The following YWHAG variants were observed in gnomAD, a reference collection of about 807,000 sequenced individuals.
The protein encoded by YWHAG is 14-3-3 protein gamma.
YWHAG carries 1 observed loss-of-function variant against 23.3 expected under a neutral mutation model. That is an observed-to-expected ratio of 0.04 (90% confidence interval 0.02 to 0.20). YWHAG has a LOEUF of 0.20. YWHAG is among the 10% of genes least tolerant of loss of function. YWHAG has a pLI of 1.00. For synonymous variants in YWHAG, 160 were observed against 144.0 expected (o/e 1.11, Z -0.80); for missense variants, 151 against 338.6 (o/e 0.45, Z 4.35).
At position 76,327,466 on chromosome 7, in the gene YWHAG, A is replaced by T. The variant is rs1394653335; in HGVS notation, c.*2111T>A. On this transcript the variant is annotated 3_prime_UTR_variant, in exon 2 of 2. Transcript: ENST00000307630. ...AACCATTCAAGCTGCTTAAATATCA[A>T]GTCTCCCATTCCCTCTCCGTTTTCA... 6.6e-6 allele frequency: 1 copy of T among 152,592 alleles called. No homozygotes were observed. The highest frequency in any genetic ancestry group is 1.5e-5 in the Non-Finnish European group (1 of 68,020). 9.5% of individuals were successfully genotyped at this position (152,592 alleles called of 1,614,324 possible). A position where few individuals can be genotyped will look rare whatever the true frequency, so the allele number is the denominator to read the frequency against.
chr7:76,336,754 TC>T (rs1444699894), intron 1 of YWHAG, among the ~76,000 whole-genome samples: 1 of 147,578 alleles, frequency 6.8e-6, no homozygotes, highest in Non-Finnish European at 1.5e-5. Context: ...CGGTGCCCGG[TC>T]TTTTTTTTTT....
At position 76,349,551 on chromosome 7, in the gene YWHAG, AG is replaced by A. The variant is rs1803843288; in HGVS notation, c.87+9170del. 2.6e-5 allele frequency among the ~76,000 whole-genome samples: 4 copies of A among 152,250 alleles called. No homozygotes were observed. In the South Asian group the frequency reaches 8.3e-4, roughly 32 times the overall value. On this transcript the variant is annotated intron_variant, in intron 1 of 1. Coordinates refer to ENST00000307630, the MANE Select transcript of YWHAG (RefSeq NM_012479.4). ...AGTAACAGGTAGTTGTAATTCACTC[AG>A]CAAGTGTTTTTGAGAATCTACATGC...
At position 76,327,360 on chromosome 7, in the gene YWHAG, T is replaced by C. The variant is rs1227946190; in HGVS notation, c.*2217A>G. ...ACTAGCATGCACAATATTGTATCAA[T>C]AGAGTAATGGAGGAGTAATCATTTC... On this transcript the variant is annotated 3_prime_UTR_variant, in exon 2 of 2. Coordinates refer to ENST00000307630, the MANE Select transcript of YWHAG (RefSeq NM_012479.4). 6.6e-6 allele frequency: 1 copy of C among 152,188 alleles called. No individual in the cohort carries two copies. The highest frequency in any genetic ancestry group is 2.4e-5 in the African/African-American group (1 of 41,414). The allele number at this position is 152,188 out of a possible 1,614,324, so 9.4% of individuals were successfully genotyped here. A position where few individuals can be genotyped will look rare whatever the true frequency, so the allele number is the denominator to read the frequency against.
At chr7:76,340,940 G>A (rs976101178) in intron 1 of YWHAG, among the ~76,000 whole-genome samples, 1 of 152,186 alleles carries the variant, frequency 6.6e-6, no homozygotes, top group African/African-American at 2.4e-5. Flanking sequence ...GCAGTAGTAT[G>A]ATCAGGGCCC....
At position 76,327,173 on chromosome 7, in the gene YWHAG, C is replaced by T. The variant is rs1268534519; in HGVS notation, c.*2404G>A. 6.6e-6 allele frequency: 1 copy of T among 150,924 alleles called. No individual in the cohort carries two copies. Among genetic ancestry groups the T allele is most frequent in the Non-Finnish European group, 1.5e-5 (1 of 67,812 alleles). The allele number at this position is 150,924 out of a possible 1,614,324, so 9.3% of individuals were successfully genotyped here. A position where few individuals can be genotyped will look rare whatever the true frequency, so the allele number is the denominator to read the frequency against. ...ACATCCAAAACAGATCAATTTGTTA[C>T]AATCACTATTTGGTAGAGCAAACTT... is the stretch of plus-strand genomic sequence containing the variant. On this transcript the variant is annotated 3_prime_UTR_variant, in exon 2 of 2. Transcript: ENST00000307630.
intron 1 of YWHAG, among the ~76,000 whole-genome samples, chr7:76,353,795 G>A (rs973689588): frequency 5.3e-5 from 8 of 152,242 alleles, no homozygotes; most frequent in East Asian, 1.9e-4. Context: ...CGGGCTGGGT[G>A]TGGTGGCTCA....
Position 76,329,509 on chromosome 7 carries a change from C to T in YWHAG, c.*68G>A. The T allele has an allele frequency of 1.4e-6, 2 of 1,421,574 alleles. No homozygotes were observed. Among genetic ancestry groups the T allele is most frequent in the East Asian group, 2.6e-5 (1 of 38,314 alleles). 88.1% of individuals were successfully genotyped at this position (1,421,574 alleles called of 1,614,324 possible). A position where few individuals can be genotyped will look rare whatever the true frequency, so the allele number is the denominator to read the frequency against. On this transcript the variant is annotated 3_prime_UTR_variant, in exon 2 of 2. Coordinates refer to ENST00000307630, the MANE Select transcript of YWHAG (RefSeq NM_012479.4). The surrounding 1 kb of genome is among the most constrained non-coding windows in gnomAD (Gnocchi z 6.1). ...CCCTTTCCCTCCCCCACCCGACCCCCAACTCATGGGAAAAAAATAAAGACT... is the reference window on the plus strand; with the variant it reads ...CCCTTTCCCTCCCCCACCCGACCCCTAACTCATGGGAAAAAAATAAAGACT...
chr7:76,351,190 TCAG>T (rs1803867564), intron 1 of YWHAG, among the ~76,000 whole-genome samples: 1 of 152,210 alleles, frequency 6.6e-6, no homozygotes, highest in African/African-American at 2.4e-5. Flanking sequence ...ATTTTTGTCT[TCAG>T]TAGTCAATCC....
At position 76,350,650 on chromosome 7, in the gene YWHAG, C is replaced by A. The variant is rs536910927; in HGVS notation, c.87+8072G>T. On this transcript the variant is annotated intron_variant, in intron 1 of 1. Transcript: ENST00000307630. ...CCTGAGGCCAGGAGTTGGAGACCAGCCTGGCCAACATGGGGAAACCCCATT... is the reference window on the plus strand; with the variant it reads ...CCTGAGGCCAGGAGTTGGAGACCAGACTGGCCAACATGGGGAAACCCCATT... Among the ~76,000 whole-genome samples the A allele has an allele frequency of 3.3e-5, 5 of 152,302 alleles. No homozygotes were observed. In the East Asian group the frequency reaches 9.6e-4, roughly 29 times the overall value.
At chr7:76,340,590 A>T (rs2115617622) in intron 1 of YWHAG, among the ~76,000 whole-genome samples, 1 of 152,306 alleles carries the variant, frequency 6.6e-6, no homozygotes, top group East Asian at 1.9e-4. Context: ...CATTATTCCT[A>T]ATTTAAAGAA....
At chr7:76,337,883 C>T (rs1803638956) in intron 1 of YWHAG, among the ~76,000 whole-genome samples, 1 of 152,162 alleles carries the variant, frequency 6.6e-6, no homozygotes, top group Non-Finnish European at 1.5e-5. Flanking sequence ...AAACTGCAGC[C>T]ATGAGTACAA....
Position 76,329,929 on chromosome 7 carries a change from T to C in YWHAG, c.392A>G (p.Tyr131Cys). 1 of 1,614,110 alleles carries C rather than the reference T, an allele frequency of 6.2e-7. No homozygotes were observed. Among genetic ancestry groups the C allele is most frequent in the Non-Finnish European group, 8.5e-7 (1 of 1,180,036 alleles). The change falls in exon 2 of 2, where the codon TAC becomes TGC. Residue 131 changes from tyrosine (Y) to cysteine (C), a missense_variant. Tyr to Cys is a radical substitution (Grantham distance 194). Coordinates refer to ENST00000307630, the MANE Select transcript of YWHAG (RefSeq NM_012479.4). The surrounding 1 kb of genome is among the most constrained non-coding windows in gnomAD (Gnocchi z 6.1). Reference protein sequence around the residue: ...VFYLKMKGDYYRYLAEVATGE... With the variant: ...VFYLKMKGDYCRYLAEVATGE... ...GGTGGCCACTTCAGCCAGGTAGCGG[T>C]AGTAGTCCCCTTTCATCTTCAGGTA... is the stretch of plus-strand genomic sequence containing the variant.
At chr7:76,333,549 G>A (rs1803574475) in intron 1 of YWHAG, among the ~76,000 whole-genome samples, 2 of 152,202 alleles carry the variant, frequency 1.3e-5, no homozygotes, top group South Asian at 4.1e-4. Context: ...TGTATCGAGT[G>A]TCTCTTCTCC....
chr7:76,342,585 G>T (rs1803714130), intron 1 of YWHAG, among the ~76,000 whole-genome samples: 1 of 152,092 alleles, frequency 6.6e-6, no homozygotes, highest in African/African-American at 2.4e-5. Flanking sequence ...GGCGAGACTG[G>T]TTCTCATATC....
chr7:76,351,966 C>CTT (rs914160918), intron 1 of YWHAG, among the ~76,000 whole-genome samples: 5 of 152,188 alleles, frequency 3.3e-5, no homozygotes, highest in African/African-American at 1.2e-4. Context: ...GACCACTGCT[C>CTT]TTTAGCCTAC....
At chr7:76,357,304 T>A (rs745525197) in intron 1 of YWHAG, among the ~76,000 whole-genome samples, 6 of 152,244 alleles carry the variant, frequency 3.9e-5, no homozygotes, top group Non-Finnish European at 7.3e-5. Context: ...ATTCAAGAAT[T>A]GATCTGTAAT....
chr7:76,329,509 C>CCCCAAA lies in YWHAG; in HGVS notation c.*67_*68insTTTGGG. 1.4e-6 allele frequency: 2 copies of CCCCAAA among 1,421,558 alleles called. No homozygotes were observed. Among genetic ancestry groups the CCCCAAA allele is most frequent in the African/African-American group, 1.4e-5 (1 of 69,392 alleles). 88.1% of individuals were successfully genotyped at this position (1,421,558 alleles called of 1,614,324 possible). Reference sequence around the variant, plus strand: ...CCCTTTCCCTCCCCCACCCGACCCCCAACTCATGGGAAAAAAATAAAGACT... The same window carrying CCCCAAA: ...CCCTTTCCCTCCCCCACCCGACCCCCCCCAAAAACTCATGGGAAAAAAATAAAGACT... On this transcript the variant is annotated 3_prime_UTR_variant, in exon 2 of 2. Coordinates refer to ENST00000307630, the MANE Select transcript of YWHAG (RefSeq NM_012479.4). This position sits in a 1 kb window ranked among gnomAD's most constrained non-coding sequence, Gnocchi z 6.1.
chr7:76,354,029 A>G (rs1197697531), intron 1 of YWHAG, among the ~76,000 whole-genome samples: 1 of 147,216 alleles, frequency 6.8e-6, no homozygotes, highest in Non-Finnish European at 1.5e-5. Context: ...GCCATGCTCC[A>G]GCCTGGGTGA....
At chr7:76,342,902 C>T (rs1421203841) in intron 1 of YWHAG, among the ~76,000 whole-genome samples, 1 of 151,922 alleles carries the variant, frequency 6.6e-6, no homozygotes, top group Non-Finnish European at 1.5e-5. Context: ...TTTGGGAGGC[C>T]GAGGCAGGAG....
Sources: gnomAD v4.1 joint callset for allele counts (sites outside exome capture counted in the v4.1 genomes callset) on GRCh38, gnomAD v4.1.1 for gene constraint, Gnocchi (gnomAD v3.1) non-coding constraint, MANE v1.5 for transcripts, NCBI Gene and HGNC (gene_info 2026-07-23, HGNC 2026-07-21) for gene names.